Variants in INPP5A observed in about 807,000 individuals in gnomAD.
The protein encoded by INPP5A is inositol polyphosphate-5-phosphatase A.
A neutral mutation model predicts 65.2 loss-of-function variants in INPP5A; 14 were observed. That is an observed-to-expected ratio of 0.21 (90% CI 0.14 to 0.34). The LOEUF (loss-of-function observed/expected upper bound fraction) is 0.34, where lower values mean the gene tolerates loss of function less well. Ranked by LOEUF, INPP5A falls within the 10% of genes least tolerant of loss-of-function variation. The pLI is 1.00. For synonymous variants in INPP5A, 207 were observed against 208.3 expected (o/e 0.99, Z 0.05); for missense variants, 431 against 545.6 (o/e 0.79, Z 2.09).
chr10:132,724,201 C>T (rs1845944372), intron 8 of INPP5A, among the ~76,000 whole-genome samples: 1 of 152,130 alleles, frequency 6.6e-6, no homozygotes, highest in South Asian at 2.1e-4. Flanking sequence ...AATAGATTGT[C>T]TCAAAAAAAC....
At chr10:132,690,132 A>G (rs1288988123) in intron 4 of INPP5A, among the ~76,000 whole-genome samples, 1 of 152,154 alleles carries the variant, frequency 6.6e-6, no homozygotes, top group Non-Finnish European at 1.5e-5. Context: ...GGTCCACTCA[A>G]TGCCTGGCCC....
intron 8 of INPP5A, among the ~76,000 whole-genome samples, chr10:132,718,188 C>G (rs1204090643): frequency 6.9e-6 from 1 of 145,830 alleles, no homozygotes; most frequent in Non-Finnish European, 1.5e-5. Context: ...GTCTGGGCGC[C>G]TTAGACGGCT....
At position 132,704,201 on chromosome 10, in the gene INPP5A, C is replaced by T. The variant is rs1347223958; in HGVS notation, c.475-4112C>T. Among the ~76,000 whole-genome samples the T allele has an allele frequency of 2.6e-5, 4 of 152,022 alleles. No homozygotes were observed. The highest frequency in any genetic ancestry group is 4.4e-5 in the Non-Finnish European group (3 of 68,010). ...GCTCTAGGGGAGTCGTGTATTGAGGCGCCTTGGCCTGCAGGGACGGTACCT... is the reference window on the plus strand; with the variant it reads ...GCTCTAGGGGAGTCGTGTATTGAGGTGCCTTGGCCTGCAGGGACGGTACCT... On this transcript the variant is annotated intron_variant, in intron 6 of 15. Transcript: ENST00000368594. The surrounding 1 kb of genome is among the most constrained non-coding windows in gnomAD (Gnocchi z 4.5).
intron 4 of INPP5A, among the ~76,000 whole-genome samples, chr10:132,688,827 TGCAA>T (rs746074203): frequency 6.7e-6 from 1 of 150,062 alleles, no homozygotes; most frequent in African/African-American, 2.5e-5. Context: ...CATGACTGAG[TGCAA>T]GTGTAAGTGT....
At chr10:132,570,715 G>T (rs900082855) in intron 1 of INPP5A, among the ~76,000 whole-genome samples, 6 of 152,088 alleles carry the variant, frequency 3.9e-5, no homozygotes, top group Admixed American at 2.0e-4. Flanking sequence ...AAAACCAAGG[G>T]ACCAACTGAG....
intron 9 of INPP5A, among the ~76,000 whole-genome samples, chr10:132,743,644 C>T (rs1332366453): frequency 2.0e-5 from 3 of 152,224 alleles, no homozygotes; most frequent in East Asian, 3.9e-4. Flanking sequence ...ACTCACTCCT[C>T]GTCACGTGTG....
intron 1 of INPP5A, among the ~76,000 whole-genome samples, chr10:132,606,884 G>A (rs2071861765): frequency 6.6e-6 from 1 of 152,204 alleles, no homozygotes; most frequent in Non-Finnish European, 1.5e-5. Flanking sequence ...CCGTTTCCGA[G>A]TGTGCAGTTC....
chr10:132,555,906 G>A lies in INPP5A; in HGVS notation c.75+17735G>A, dbSNP rs2071120037. Among the ~76,000 whole-genome samples, 1 of 152,164 alleles carries A rather than the reference G, an allele frequency of 6.6e-6. No individual in the cohort carries two copies. Among genetic ancestry groups the A allele is most frequent in the Non-Finnish European group, 1.5e-5 (1 of 68,044 alleles). On this transcript the variant is annotated intron_variant, in intron 1 of 15. Transcript: ENST00000368594. The surrounding 1 kb of genome is among the most constrained non-coding windows in gnomAD (Gnocchi z 4.4). Reference sequence around the variant, plus strand: ...CACGCGTTTCCCCTTTTCGTAAGAGGATGAACAGCCTCTCACCTGCTGGAA... The same window carrying A: ...CACGCGTTTCCCCTTTTCGTAAGAGAATGAACAGCCTCTCACCTGCTGGAA...
intron 9 of INPP5A, among the ~76,000 whole-genome samples, chr10:132,740,519 T>G (rs554802566): frequency 1.3e-5 from 2 of 152,270 alleles, no homozygotes; most frequent in Admixed American, 1.3e-4. Flanking sequence ...GTCAGTTCTG[T>G]TTTCTAGAGT....
In INPP5A at chr10:132,625,868, GTGTGTGTGTT is replaced by G. The variant is rs1417235471; in HGVS notation, c.117+17922_117+17931del. Among the ~76,000 whole-genome samples the G allele has an allele frequency of 2.8e-3, 426 of 150,780 alleles. 2 individuals are homozygous for G. Among genetic ancestry groups the G allele is most frequent in the African/African-American group, 0.01 (410 of 40,550 alleles). On this transcript the variant is annotated intron_variant, in intron 2 of 15. Transcript: ENST00000368594. ...TGTGTGTGTGTGTGTGTGTGTGTGT[GTGTGTGTGTT>G]TGTGTGTGTGTGTGTACAGTGTTTG...
chr10:132,761,964 A>AT (rs1367732674), intron 11 of INPP5A, among the ~76,000 whole-genome samples: 2 of 152,198 alleles, frequency 1.3e-5, no homozygotes, highest in African/African-American at 2.4e-5. Flanking sequence ...ATCCCAACAG[A>AT]TAAAAAAAAG....
chr10:132,602,481 G>A (rs2071788866), intron 1 of INPP5A, among the ~76,000 whole-genome samples: 1 of 152,082 alleles, frequency 6.6e-6, no homozygotes, highest in Non-Finnish European at 1.5e-5. Context: ...TTTTAGTAGA[G>A]ACAGGGTTTT....
At chr10:132,557,411 A>G (rs745476070) in intron 1 of INPP5A, among the ~76,000 whole-genome samples, 19 of 152,252 alleles carry the variant, frequency 1.2e-4, no homozygotes, top group Non-Finnish European at 2.6e-4. Context: ...CGTGCTGCAG[A>G]GGAGCCCCCA....
At chr10:132,614,764 C>T (rs1470434961) in intron 2 of INPP5A, among the ~76,000 whole-genome samples, 1 of 152,368 alleles carries the variant, frequency 6.6e-6, no homozygotes, top group Non-Finnish European at 1.5e-5. Context: ...GATGAGATCG[C>T]AAGGAGAGGA....
chr10:132,726,244 G>A (rs1233230426), intron 8 of INPP5A, among the ~76,000 whole-genome samples: 1 of 152,202 alleles, frequency 6.6e-6, no homozygotes. Context: ...ACTTTGAAAC[G>A]TCCGAGTGGA....
chr10:132,698,009 T>C lies in INPP5A; in HGVS notation c.474+90T>C, dbSNP rs1657592095. On this transcript the variant is annotated intron_variant, in intron 6 of 15. Transcript: ENST00000368594. This position sits in a 1 kb window ranked among gnomAD's most constrained non-coding sequence, Gnocchi z 5.5. ...GGAACACGGAATTTTCGCATTGCAC[T>C]GTTACTAGTCACAGCTGCCTGTTGT... 3.7e-6 allele frequency: 3 copies of C among 807,802 alleles called. No homozygotes were observed. The highest frequency in any genetic ancestry group is 1.7e-5 in the African/African-American group (1 of 59,188). 50.0% of individuals were successfully genotyped at this position (807,802 alleles called of 1,614,324 possible). A position where few individuals can be genotyped will look rare whatever the true frequency, so the allele number is the denominator to read the frequency against.
chr10:132,681,228 G>A (rs1352589616), intron 4 of INPP5A, among the ~76,000 whole-genome samples: 1 of 152,188 alleles, frequency 6.6e-6, no homozygotes, highest in Non-Finnish European at 1.5e-5. Context: ...GCAGGACGTG[G>A]GTGGGGCCAG....
chr10:132,754,919 A>G (rs1846564651), intron 11 of INPP5A, among the ~76,000 whole-genome samples: 1 of 151,862 alleles, frequency 6.6e-6, no homozygotes, highest in Non-Finnish European at 1.5e-5. Context: ...CTGTAGGAGT[A>G]TGCATGAGTG....
At chr10:132,747,994 G>A (rs1230755065) in intron 9 of INPP5A, among the ~76,000 whole-genome samples, 2 of 152,186 alleles carry the variant, frequency 1.3e-5, no homozygotes, top group East Asian at 1.9e-4. Context: ...AGGTTAAAAC[G>A]AGCCTTGATC....
Sources: gnomAD v4.1 joint callset for allele counts (sites outside exome capture counted in the v4.1 genomes callset) on GRCh38, gnomAD v4.1.1 for gene constraint, Gnocchi (gnomAD v3.1) non-coding constraint, MANE v1.5 for transcripts, NCBI Gene and HGNC (gene_info 2026-07-23, HGNC 2026-07-21) for gene names.